Variants in SETBP1 observed in about 807,000 individuals in gnomAD.
SETBP1 encodes the protein SET binding protein 1.
Under a neutral mutation model 101.0 loss-of-function variants are expected in SETBP1, and 9 were observed. The observed-to-expected ratio is 0.09, with a 90% CI of 0.05 to 0.16. SETBP1 has a LOEUF of 0.16. SETBP1 is among the 10% of genes least tolerant of loss of function. SETBP1 has a pLI of 1.00. For missense variants in SETBP1, 1,858 were observed against 2,033.8 expected, an observed-to-expected ratio of 0.91 and a Z score of 1.66; for synonymous variants, 818 against 788.5, an observed-to-expected ratio of 1.04 and a Z score of -0.63.
chr18:44,831,209 A>G (rs1039947286), intron 2 of SETBP1, among the ~76,000 whole-genome samples: 1 of 152,186 alleles, frequency 6.6e-6, no homozygotes, highest in Non-Finnish European at 1.5e-5. Context: ...AGTGTAGCAT[A>G]GACAGTGAGC....
At chr18:45,044,717 C>T (rs1458347591) in intron 5 of SETBP1, among the ~76,000 whole-genome samples, 1 of 152,184 alleles carries the variant, frequency 6.6e-6, no homozygotes, top group Non-Finnish European at 1.5e-5. Context: ...TTTGGGATTT[C>T]CACTGCCACA....
At chr18:44,779,539 G>C (rs565920882) in intron 2 of SETBP1, among the ~76,000 whole-genome samples, 1 of 152,260 alleles carries the variant, frequency 6.6e-6, no homozygotes, top group Admixed American at 6.5e-5. Context: ...TGGCCTGTCC[G>C]TGGTTACACT....
chr18:45,018,413 G>T (rs1010724200), intron 4 of SETBP1, among the ~76,000 whole-genome samples: 24 of 152,288 alleles, frequency 1.6e-4, no homozygotes, highest in Admixed American at 8.5e-4. Flanking sequence ...CAAACACTGT[G>T]TACTTCCATT....
intron 4 of SETBP1, among the ~76,000 whole-genome samples, chr18:44,981,678 A>G (rs2072116410): frequency 6.6e-6 from 1 of 152,224 alleles, no homozygotes; most frequent in Non-Finnish European, 1.5e-5. Flanking sequence ...CTTTTACATC[A>G]GAACCACTCA....
intron 2 of SETBP1, among the ~76,000 whole-genome samples, chr18:44,850,900 G>C (rs114068216): frequency 6.4e-4 from 98 of 152,262 alleles, no homozygotes; most frequent in African/African-American, 2.1e-3. Flanking sequence ...GTCTATTCTA[G>C]CCAAGGAGAG....
intron 4 of SETBP1, among the ~76,000 whole-genome samples, chr18:45,013,213 G>A (rs2072875099): frequency 6.6e-6 from 1 of 152,160 alleles, no homozygotes; most frequent in Non-Finnish European, 1.5e-5. Flanking sequence ...TAACATGGGG[G>A]GACCCAGAGC....
chr18:44,834,094 G>C (rs1483412207), intron 2 of SETBP1, among the ~76,000 whole-genome samples: 1 of 152,198 alleles, frequency 6.6e-6, no homozygotes, highest in Non-Finnish European at 1.5e-5. Flanking sequence ...TCAGGAATTT[G>C]TAGAAACTCA....
At chr18:44,966,666 C>T (rs916246079) in intron 4 of SETBP1, among the ~76,000 whole-genome samples, 1 of 152,198 alleles carries the variant, frequency 6.6e-6, no homozygotes, top group Non-Finnish European at 1.5e-5. Context: ...TTGATCCTTG[C>T]AGACCACCAT....
Position 44,930,441 on chromosome 18 carries a change from T to C in SETBP1, c.541-19440T>C, listed in dbSNP as rs141851234. The stretch of plus-strand genomic sequence containing the variant: ...GCCAGGCTTTGGTATCAGGATGATG[T>C]TGGCCTCATAAAATGAATTAGGAAG... On this transcript the variant is annotated intron_variant, in intron 3 of 5. Coordinates refer to ENST00000649279, the MANE Select transcript of SETBP1 (RefSeq NM_015559.3). Among the ~76,000 whole-genome samples the C allele has an allele frequency of 1.7e-3, 260 of 152,262 alleles. 1 individual carries two copies. The highest frequency in any genetic ancestry group is 6.1e-3 in the African/African-American group (253 of 41,550).
chr18:44,834,772 A>G (rs1430662894), intron 2 of SETBP1, among the ~76,000 whole-genome samples: 3 of 152,194 alleles, frequency 2.0e-5, no homozygotes, highest in Non-Finnish European at 4.4e-5. Context: ...CAGGGGCAAG[A>G]CAGAAACTAA....
intron 4 of SETBP1, among the ~76,000 whole-genome samples, chr18:44,981,885 G>C (rs1432235349): frequency 6.6e-6 from 1 of 152,168 alleles, no homozygotes; most frequent in East Asian, 1.9e-4. Context: ...CTAATTAGCA[G>C]TAAAAACAAC....
At chr18:44,833,730 C>G (rs770076943) in intron 2 of SETBP1, among the ~76,000 whole-genome samples, 1 of 152,182 alleles carries the variant, frequency 6.6e-6, no homozygotes, top group South Asian at 2.1e-4. Context: ...TTTCCTGGCT[C>G]AGAAATGGCC....
At position 44,919,756 on chromosome 18, in the gene SETBP1, G is replaced by A. The variant is rs564019019; in HGVS notation, c.541-30125G>A. On this transcript the variant is annotated intron_variant, in intron 3 of 5. Transcript: ENST00000649279. ...TTATATTATATATATGTATACATAT[G>A]TGTATTGTATGTACATATACACACA... 2.6e-5 allele frequency among the ~76,000 whole-genome samples: 4 copies of A among 151,258 alleles called. No homozygotes were observed. The East Asian group carries it at 5.8e-4, about 22-fold the overall frequency.
chr18:44,982,960 A>G (rs1389591956), intron 4 of SETBP1, among the ~76,000 whole-genome samples: 1 of 152,144 alleles, frequency 6.6e-6, no homozygotes, highest in Non-Finnish European at 1.5e-5. Flanking sequence ...AGGTCATGGG[A>G]TGCTTAACTT....
chr18:44,815,726 T>C (rs2071961434), intron 2 of SETBP1, among the ~76,000 whole-genome samples: 1 of 152,200 alleles, frequency 6.6e-6, no homozygotes, highest in Non-Finnish European at 1.5e-5. Flanking sequence ...ATTGGGATTG[T>C]CAAATTTTCT....
intron 4 of SETBP1, among the ~76,000 whole-genome samples, chr18:44,984,255 G>C (rs1320994935): frequency 6.6e-6 from 1 of 152,158 alleles, no homozygotes; most frequent in African/African-American, 2.4e-5. Context: ...CTAGGGACTG[G>C]TTTTGTGGAA....
intron 2 of SETBP1, among the ~76,000 whole-genome samples, chr18:44,831,074 G>A (rs779360208): frequency 1.7e-4 from 26 of 152,012 alleles, no homozygotes; most frequent in Non-Finnish European, 2.8e-4. Context: ...GTTTTTATTC[G>A]CAATCCTCTT....
intron 4 of SETBP1, chr18:44,987,842 G>C (rs1368564383): frequency 6.6e-6 from 1 of 152,172 alleles, no homozygotes; most frequent in East Asian, 1.9e-4. Flanking sequence ...GGCCATGTGT[G>C]TTTGATTATA....
At chr18:44,803,651 A>G (rs935593649) in intron 2 of SETBP1, among the ~76,000 whole-genome samples, 1 of 152,122 alleles carries the variant, frequency 6.6e-6, no homozygotes, top group African/African-American at 2.4e-5. Context: ...GGAGTTGGGC[A>G]TCTTTAAACT....
Sources: allele counts gnomAD v4.1 joint callset (sites outside exome capture counted in the v4.1 genomes callset), GRCh38; gene constraint gnomAD v4.1.1; transcripts MANE v1.5; gene names NCBI Gene and HGNC (gene_info 2026-07-23, HGNC 2026-07-21).